DAP3: variants seen among roughly 807,000 people sequenced by gnomAD.
DAP3 encodes the protein small ribosomal subunit protein mS29.
A neutral mutation model predicts 51.9 loss-of-function variants in DAP3; 28 were observed. That is an observed-to-expected ratio of 0.54 (90% CI 0.40 to 0.74). DAP3 has a LOEUF of 0.74. DAP3 is among the 30% of genes least tolerant of loss of function. The probability of loss-of-function intolerance (pLI) is 0.00; values close to 1 mark genes in which losing one functional copy is unlikely to be tolerated. For missense variants in DAP3, 458 were observed against 483.5 expected, an observed-to-expected ratio of 0.95 and a Z score of 0.49; for synonymous variants, 170 against 170.3, an observed-to-expected ratio of 1.00 and a Z score of 0.01.
intron 1 of DAP3, among the ~76,000 whole-genome samples, chr1:155,708,783 T>C (rs1656324456): frequency 6.6e-6 from 1 of 150,494 alleles, no homozygotes; most frequent in Non-Finnish European, 1.5e-5. Flanking sequence ...CAGCTCACTG[T>C]AAGCTCCGCC....
intron 4 of DAP3, among the ~76,000 whole-genome samples, chr1:155,723,071 C>CT (rs568571505): frequency 6.5e-4 from 96 of 146,948 alleles, no homozygotes; most frequent in African/African-American, 1.5e-3. Context: ...CCTAATATGA[C>CT]TTTTTTTTTT....
chr1:155,702,750 C>T (rs572911158), intron 1 of DAP3, among the ~76,000 whole-genome samples: 1 of 152,250 alleles, frequency 6.6e-6, no homozygotes, highest in South Asian at 2.1e-4. Flanking sequence ...GCTGGTGGAT[C>T]ATGAGGTCAG....
intron 2 of DAP3, among the ~76,000 whole-genome samples, chr1:155,711,559 G>C (rs1223536108): frequency 6.6e-6 from 1 of 150,986 alleles, no homozygotes; most frequent in Non-Finnish European, 1.5e-5. Context: ...AGACTGTAGA[G>C]TGCTGTTGGT....
chr1:155,705,803 C>T (rs1163328202), intron 1 of DAP3, among the ~76,000 whole-genome samples: 4 of 152,038 alleles, frequency 2.6e-5, no homozygotes, highest in Non-Finnish European at 4.4e-5. Flanking sequence ...TGGGTTCAAG[C>T]GATTCTCCCG....
At chr1:155,691,224 G>C (rs1653786848) in intron 1 of DAP3, among the ~76,000 whole-genome samples, 1 of 141,764 alleles carries the variant, frequency 7.1e-6, no homozygotes, top group African/African-American at 3.2e-5. Context: ...TCGAACTTTA[G>C]AACATTTTTT....
At chr1:155,732,241 T>G in intron 11 of DAP3, 1 of 364,550 alleles carries the variant, frequency 2.7e-6, no homozygotes. Flanking sequence ...TTCTTTTTTT[T>G]TTTTTTGAGA....
At chr1:155,724,858 G>A (rs1178596369) in intron 4 of DAP3, among the ~76,000 whole-genome samples, 2 of 151,802 alleles carry the variant, frequency 1.3e-5, no homozygotes, top group Non-Finnish European at 2.9e-5. Context: ...GGGAGGCTGA[G>A]GCAGGAGAAT....
intron 2 of DAP3, among the ~76,000 whole-genome samples, chr1:155,711,583 G>GT (rs369251790): frequency 0.3 from 43,635 of 144,242 alleles, 6,914 homozygotes; most frequent in East Asian, 0.7. Flanking sequence ...AGAAAGTTTT[G>GT]TTTTTTTTTT....
chr1:155,719,576 C>G (rs565886369), intron 3 of DAP3, among the ~76,000 whole-genome samples: 1 of 146,722 alleles, frequency 6.8e-6, no homozygotes, highest in South Asian at 2.2e-4. Flanking sequence ...TTAGACGGAG[C>G]CTTGCTCTGT....
chr1:155,717,724 A>G (rs1657495007), intron 3 of DAP3, among the ~76,000 whole-genome samples: 1 of 152,190 alleles, frequency 6.6e-6, no homozygotes, highest in African/African-American at 2.4e-5. Context: ...TTTTCTAATA[A>G]CCAATCTGGT....
At chr1:155,717,214 A>G in intron 3 of DAP3, 86 bp downstream of exon 3, 1 of 1,568,594 alleles carries the variant, frequency 6.4e-7, no homozygotes, top group Non-Finnish European at 8.6e-7. Context: ...CTGAAACTGA[A>G]AGAAGCTTAG....
At position 155,725,859 on chromosome 1, in the gene DAP3, A is replaced by G. The variant is rs552560079; in HGVS notation, c.380-68A>G. On this transcript the variant is annotated intron_variant, in intron 5 of 12. Coordinates refer to ENST00000368336, the MANE Select transcript of DAP3 (RefSeq NM_004632.4). ...AACCCCATCTCAAAAAAACAAAACA[A>G]AGCATAACTACTGTTCACATACAAG... The G allele has an allele frequency of 1.5e-4, 222 of 1,491,386 alleles. 1 individual carries two copies. The highest frequency in any genetic ancestry group is 5.9e-5 in the Non-Finnish European group (64 of 1,077,942). 92.4% of individuals were successfully genotyped at this position (1,491,386 alleles called of 1,614,324 possible). A position where few individuals can be genotyped will look rare whatever the true frequency, so the allele number is the denominator to read the frequency against.
Position 155,738,308 on chromosome 1 carries a change from G to A in DAP3, c.*66G>A. 1 of 1,573,568 alleles carries A rather than the reference G, an allele frequency of 6.4e-7. No individual in the cohort carries two copies. On this transcript the variant is annotated 3_prime_UTR_variant, in exon 13 of 13. Transcript: ENST00000368336. The stretch of plus-strand genomic sequence containing the variant: ...TTTATGCTGGACCCAGTAAGATGAG[G>A]AAGTCGGGCAGTACACAGGAAGAGG...
rs1361689747 is a variant in DAP3, at chr1:155,738,480, A to C, written c.*238A>C. On this transcript the variant is annotated 3_prime_UTR_variant, in exon 13 of 13. Coordinates refer to ENST00000368336, the MANE Select transcript of DAP3 (RefSeq NM_004632.4). ...CAGTTTATTGGATGTGGTTTTTCACATTTAAGATAATTATGGCTCTTTTCC... is the reference window on the plus strand; with the variant it reads ...CAGTTTATTGGATGTGGTTTTTCACCTTTAAGATAATTATGGCTCTTTTCC... 6.9e-6 allele frequency: 3 copies of C among 432,168 alleles called. No homozygotes were observed. The highest frequency in any genetic ancestry group is 1.2e-5 in the Non-Finnish European group (3 of 244,552). The allele number at this position is 432,168 out of a possible 1,614,324, so 26.8% of individuals were successfully genotyped here. A position where few individuals can be genotyped will look rare whatever the true frequency, so the allele number is the denominator to read the frequency against.
At chr1:155,730,409 G>T (rs1248713288) in intron 9 of DAP3, among the ~76,000 whole-genome samples, 1 of 151,850 alleles carries the variant, frequency 6.6e-6, no homozygotes, top group Non-Finnish European at 1.5e-5. Flanking sequence ...TTTGGAGTTT[G>T]AGGTCAGCCT....
rs560182486 is a variant in DAP3, at chr1:155,709,990, A to G, written c.45+166A>G. ...TTGAGAATTTACCATGGAATAGGAGAATTAATATTTTTCCAGAAAACATAA... is the reference window on the plus strand; with the variant it reads ...TTGAGAATTTACCATGGAATAGGAGGATTAATATTTTTCCAGAAAACATAA... On this transcript the variant is annotated intron_variant, in intron 2 of 12. Coordinates refer to ENST00000368336, the MANE Select transcript of DAP3 (RefSeq NM_004632.4). 24 of 534,348 alleles carry G rather than the reference A, an allele frequency of 4.5e-5. No individual in the cohort carries two copies. The East Asian group carries it at 6.6e-4, about 15-fold the overall frequency. 33.1% of individuals were successfully genotyped at this position (534,348 alleles called of 1,614,324 possible).
intron 11 of DAP3, among the ~76,000 whole-genome samples, chr1:155,733,057 C>G (rs928155083): frequency 6.6e-6 from 1 of 152,210 alleles, no homozygotes; most frequent in South Asian, 2.1e-4. Context: ...TCTCTTTGGT[C>G]TCCTTTAATC....
chr1:155,694,914 G>GT (rs1654320564), intron 1 of DAP3, among the ~76,000 whole-genome samples: 1 of 152,118 alleles, frequency 6.6e-6, no homozygotes, highest in Admixed American at 6.5e-5. Context: ...AAAATTTAAG[G>GT]TAACAAGAGC....
intron 6 of DAP3, 94 bp downstream of exon 6, chr1:155,726,113 C>A: frequency 4.9e-5 from 33 of 676,640 alleles, no homozygotes; most frequent in African/African-American, 6.3e-5. Flanking sequence ...CTTTTCTTTT[C>A]TTTTTTTTTT....
Sources: gnomAD v4.1 joint callset for allele counts (sites outside exome capture counted in the v4.1 genomes callset) on GRCh38, gnomAD v4.1.1 for gene constraint, MANE v1.5 for transcripts, NCBI Gene and HGNC (gene_info 2026-07-23, HGNC 2026-07-21) for gene names.